ZNF324B: variants seen among roughly 807,000 people sequenced by gnomAD.
The protein encoded by ZNF324B is zinc finger protein 324B.
In ZNF324B, 7 loss-of-function variants were observed where a neutral mutation model predicts 10.6. The observed-to-expected ratio is 0.66, with a 90% CI of 0.38 to 1.24. ZNF324B has a LOEUF of 1.24. ZNF324B is among the 50% of genes most tolerant of loss of function. ZNF324B has a pLI of 0.02. For synonymous variants in ZNF324B, 316 were observed against 321.0 expected, an observed-to-expected ratio of 0.98 and a Z score of 0.17; for missense variants, 640 against 764.7, an observed-to-expected ratio of 0.84 and a Z score of 1.92.
chr19:58,429,887 G>A, the ZNF324B span: 1 of 152,264 alleles, frequency 6.6e-6, no homozygotes, highest in South Asian at 2.1e-4. Context: ...AGATGAGACA[G>A]TATGGCAGGC....
chr19:58,450,228 G>A (rs538522407), upstream of ZNF324B, among the ~76,000 whole-genome samples: 2 of 152,070 alleles, frequency 1.3e-5, no homozygotes, highest in African/African-American at 2.4e-5. Context: ...CTCCAGCCAC[G>A]TGGAACTATG....
At chr19:58,447,058 C>T (rs1288912938), upstream of ZNF324B, among the ~76,000 whole-genome samples, 1 of 152,104 alleles carries the variant, frequency 6.6e-6, no homozygotes, top group East Asian at 1.9e-4. Context: ...TCACTGCAAC[C>T]TCTGCCTCCC....
chr19:58,445,774 C>T, the ZNF324B span: 1 of 286,290 alleles, frequency 3.5e-6, no homozygotes, highest in Non-Finnish European at 6.8e-6. Flanking sequence ...GAGTTAGAGC[C>T]ACTGCACCCC....
At chr19:58,448,106 T>A (rs1166579403), upstream of ZNF324B, among the ~76,000 whole-genome samples, 3 of 152,120 alleles carry the variant, frequency 2.0e-5, no homozygotes, top group Non-Finnish European at 4.4e-5. Context: ...ATTGGTAGAG[T>A]GGGGTACTGC....
At chr19:58,420,640 A>G in the ZNF324B span, among the ~76,000 whole-genome samples, 1 of 151,572 alleles carries the variant, frequency 6.6e-6, no homozygotes. Context: ...GGCTCAAGTG[A>G]TCTTCCAGCC....
Position 58,456,395 on chromosome 19 carries a change from C to A in ZNF324B, c.1451C>A (p.Thr484Lys), listed in dbSNP as rs762582025. ...IHTGEKPFVC[T>K]QCGRAFRERP... ...ACGGGCGAGAAGCCCTTCGTGTGCA[C>A]GCAGTGTGGCCGCGCCTTCCGTGAG... Residue 484 changes from threonine (T) to lysine (K), a missense_variant, in exon 4 of 4, where the codon ACG (threonine) becomes AAG (lysine). Physicochemically the swap from Thr to Lys is moderately conservative, Grantham distance 78. Transcript: ENST00000336614. The surrounding 1 kb of genome is among the most constrained non-coding windows in gnomAD (Gnocchi z 4.7). The A allele has an allele frequency of 4.3e-6, 7 of 1,613,070 alleles. No individual in the cohort carries two copies. The highest frequency in any genetic ancestry group is 5.9e-6 in the Non-Finnish European group (7 of 1,180,052).
chr19:58,440,685 C>G, the ZNF324B span: 1 of 152,102 alleles, frequency 6.6e-6, no homozygotes, highest in Non-Finnish European at 1.5e-5. Context: ...ACCGCACCCC[C>G]CTTCCCCACC....
chr19:58,424,379 G>A, the ZNF324B span, among the ~76,000 whole-genome samples: 1 of 152,028 alleles, frequency 6.6e-6, no homozygotes, highest in African/African-American at 2.4e-5. Context: ...CTTATAACTC[G>A]ATTATAAGTT....
the ZNF324B span, chr19:58,434,268 C>G: frequency 6.2e-7 from 1 of 1,613,120 alleles, no homozygotes; most frequent in Non-Finnish European, 8.5e-7. Context: ...CTTTCTGATG[C>G]CGAAGGAAAT....
chr19:58,434,233 T>G, the ZNF324B span: 1 of 1,614,154 alleles, frequency 6.2e-7, no homozygotes, highest in Non-Finnish European at 8.5e-7. Flanking sequence ...TTGACTGCAC[T>G]CATAAGGTCT....
the ZNF324B span, among the ~76,000 whole-genome samples, chr19:58,419,633 A>G: frequency 6.6e-6 from 1 of 152,156 alleles, no homozygotes; most frequent in Admixed American, 6.6e-5. Flanking sequence ...TCTCATGGCC[A>G]TTATCCTGAG....
At position 58,455,412 on chromosome 19, in the gene ZNF324B, C is replaced by T; in HGVS notation, c.468C>T (p.Ala156=). ...TGCTAGGCTCGCGCAGTGACCAGGC[C>T]AGCATCAGCCTGCGACTGACCTCCC... is the stretch of plus-strand genomic sequence containing the variant. ...RLLLGSRSDQ[A]SISLRLTSPL... The change falls in exon 4 of 4, where the codon GCC becomes GCT. Residue 156 remains alanine, a synonymous_variant. Coordinates refer to ENST00000336614, the MANE Select transcript of ZNF324B (RefSeq NM_207395.3). The surrounding 1 kb of genome is among the most constrained non-coding windows in gnomAD (Gnocchi z 7.0). 1 of 1,614,232 alleles carries T rather than the reference C, an allele frequency of 6.2e-7. No individual in the cohort carries two copies. The highest frequency in any genetic ancestry group is 8.5e-7 in the Non-Finnish European group (1 of 1,180,032).
the ZNF324B span, chr19:58,435,413 C>A: frequency 1.7e-6 from 1 of 582,152 alleles, no homozygotes; most frequent in Non-Finnish European, 3.0e-6. Context: ...TAAGGGAGAC[C>A]TCACCAGGGG....
chr19:58,419,152 C>G, the ZNF324B span: 1 of 152,042 alleles, frequency 6.6e-6, no homozygotes, highest in Non-Finnish European at 1.5e-5. Context: ...TTTTGTGGGT[C>G]CAGAGCTCAC....
chr19:58,439,683 A>T, the ZNF324B span: 1 of 1,427,522 alleles, frequency 7.0e-7, no homozygotes, highest in African/African-American at 1.5e-5. Flanking sequence ...GGACACCAAC[A>T]TCCCCTCTAT....
upstream of ZNF324B, among the ~76,000 whole-genome samples, chr19:58,449,680 T>G (rs2052842059): frequency 6.6e-6 from 1 of 152,232 alleles, no homozygotes; most frequent in Non-Finnish European, 1.5e-5. Flanking sequence ...ATTTCAGACT[T>G]TCGTGGGGCC....
At chr19:58,439,766 G>A in the ZNF324B span, 7 of 1,542,970 alleles carry the variant, frequency 4.5e-6, no homozygotes, top group South Asian at 1.2e-5. Context: ...TACCTGCGCC[G>A]GGCCCATCAG....
chr19:58,451,369 C>T (rs2052854285), upstream of ZNF324B, among the ~76,000 whole-genome samples: 1 of 152,244 alleles, frequency 6.6e-6, no homozygotes, highest in African/African-American at 2.4e-5. Flanking sequence ...ACTGGGAATC[C>T]CCAACGCGGG....
chr19:58,420,417 T>TC, the ZNF324B span, among the ~76,000 whole-genome samples: 15 of 146,156 alleles, frequency 1.0e-4, no homozygotes, highest in South Asian at 1.7e-3. Context: ...AGACTCTGTC[T>TC]CAAAAAAAAA....
Sources: allele counts gnomAD v4.1 joint callset (sites outside exome capture counted in the v4.1 genomes callset), GRCh38; gene constraint gnomAD v4.1.1; non-coding constraint Gnocchi (gnomAD v3.1); transcripts MANE v1.5; gene names NCBI Gene and HGNC (gene_info 2026-07-23, HGNC 2026-07-21).